The following MYOM3 variants were observed in gnomAD, a reference collection of about 807,000 sequenced individuals.
The protein encoded by MYOM3 is myomesin-3.
MYOM3 carries 155 observed loss-of-function variants against 191.7 expected under a neutral mutation model. The observed-to-expected ratio is 0.81, with a 90% confidence interval of 0.71 to 0.92. The LOEUF (loss-of-function observed/expected upper bound fraction) is 0.92. Ranked by LOEUF, MYOM3 falls within the 40% of genes least tolerant of loss-of-function variation. MYOM3 has a pLI of 0.00. For missense variants in MYOM3, 1,889 were observed against 1,890.6 expected (o/e 1.00, Z 0.02); for synonymous variants, 757 against 762.9 (o/e 0.99, Z 0.13).
At chr1:24,074,581 G>A (rs973137614) in intron 22 of MYOM3, among the ~76,000 whole-genome samples, 3 of 152,178 alleles carry the variant, frequency 2.0e-5, no homozygotes, top group Admixed American at 6.5e-5. Context: ...GAGCCGCTGG[G>A]GGAGGATGAG....
In MYOM3 at chr1:24,087,876, G is replaced by A. The variant is rs1289224366; in HGVS notation, c.1615-1049C>T. Among the ~76,000 whole-genome samples, 1 of 152,220 alleles carries A rather than the reference G, an allele frequency of 6.6e-6. No individual in the cohort carries two copies. Among genetic ancestry groups the A allele is most frequent in the East Asian group, 1.9e-4 (1 of 5,198 alleles). ...GCAGGTGCTCCATCTATGTTTCTGG[G>A]ACAAATGAATGAACAAATGAATGAA... On this transcript the variant is annotated intron_variant, in intron 14 of 36. Transcript: ENST00000374434. This position sits in a 1 kb window ranked among gnomAD's most constrained non-coding sequence, Gnocchi z 4.5.
At position 24,106,086 on chromosome 1, in the gene MYOM3, G is replaced by T. The variant is rs200217999; in HGVS notation, c.403-9C>A. ...TGGACCTTCTCCTCTGTCTGGAGGC[G>T]GGAAGAGGTGTATGACGCTGTGAGC... On this transcript the variant is annotated splice_polypyrimidine_tract_variant and intron_variant, in intron 4 of 36. Coordinates refer to ENST00000374434, the MANE Select transcript of MYOM3 (RefSeq NM_152372.4). 3.5e-5 allele frequency: 56 copies of T among 1,604,192 alleles called. No individual in the cohort carries two copies. In the African/African-American group the frequency reaches 7.0e-4, roughly 20 times the overall value.
chr1:24,074,033 G>A (rs1643566110), intron 23 of MYOM3, 127 bp downstream of exon 23: 1 of 668,846 alleles, frequency 1.5e-6, no homozygotes, highest in Non-Finnish European at 2.7e-6. Flanking sequence ...ATGGGTGGGT[G>A]AGGGCCTACT....
intron 7 of MYOM3, among the ~76,000 whole-genome samples, chr1:24,096,206 G>A (rs1372416401): frequency 6.6e-6 from 1 of 151,642 alleles, no homozygotes; most frequent in Non-Finnish European, 1.5e-5. Flanking sequence ...GAGGCTGCCC[G>A]AGATCACACA....
intron 3 of MYOM3, 61 bp from the exon 4 acceptor site, chr1:24,107,293 C>G (rs749524461): frequency 6.9e-7 from 1 of 1,442,492 alleles, no homozygotes; most frequent in African/African-American, 1.4e-5. Flanking sequence ...GGCATCCTGG[C>G]CAGTTCCATT....
At position 24,057,105 on chromosome 1, in the gene MYOM3, A is replaced by T. The variant is rs1643310848; in HGVS notation, c.*259T>A. 1 of 527,196 alleles carries T rather than the reference A, an allele frequency of 1.9e-6. No homozygotes were observed. The highest frequency in any genetic ancestry group is 3.1e-5 in the East Asian group (1 of 32,558). 32.7% of individuals were successfully genotyped at this position (527,196 alleles called of 1,614,324 possible). On this transcript the variant is annotated 3_prime_UTR_variant, in exon 37 of 37. Transcript: ENST00000374434. ...ACCTATCAGATGCCAGTACTGTTAG[A>T]TAGCCCCAGTGCATCCGGGTCTCCT...
At chr1:24,105,428 T>A (rs1557618304) in intron 5 of MYOM3, among the ~76,000 whole-genome samples, 1 of 152,206 alleles carries the variant, frequency 6.6e-6, no homozygotes, top group Non-Finnish European at 1.5e-5. Context: ...CCCCACCCAC[T>A]GTCTCCCTGC....
chr1:24,102,241 G>T (rs181890277), intron 5 of MYOM3, among the ~76,000 whole-genome samples: 1 of 152,264 alleles, frequency 6.6e-6, no homozygotes, highest in African/African-American at 2.4e-5. Flanking sequence ...GCCCCCTCCT[G>T]AAAGGAGCTC....
rs368190820 is a variant in MYOM3, at chr1:24,108,052, G to A, written c.183C>T (p.Ser61=). The A allele has an allele frequency of 1.5e-5, 25 of 1,613,654 alleles. No individual in the cohort carries two copies. In the African/African-American group the frequency reaches 2.7e-4, roughly 17 times the overall value. ...CTGCTGCCAGGGCGTAGTCCGCGGC[G>A]CTGAACTCATGCTCTTCTTCGCTGC... The part of the protein sequence containing the change: ...FRSSEEEHEF[S]AADYALAAAL... The change falls in exon 3 of 37, where the codon AGC becomes AGT. Residue 61 remains serine (S), a synonymous_variant. Coordinates refer to ENST00000374434, the MANE Select transcript of MYOM3 (RefSeq NM_152372.4).
rs371147135 is a variant in MYOM3 at position 24,090,867 on chromosome 1, G to A, written c.1362C>T (p.Gly454=). ...RFRVRAISRV[G]SSVPSKASEL... ...CTGAGGCCTTGGAGGGGACGCTGCT[G>A]CCTACCCTGCTGATGGCTCTCACCC... Residue 454 remains glycine, a synonymous_variant, in exon 12 of 37, where the codon GGC becomes GGT. Transcript: ENST00000374434. The A allele has an allele frequency of 3.1e-6, 5 of 1,614,148 alleles. No individual in the cohort carries two copies. The highest frequency in any genetic ancestry group is 4.2e-6 in the Non-Finnish European group (5 of 1,180,012).
chr1:24,089,412 C>G, intron 14 of MYOM3, 126 bp downstream of exon 14: 4 of 1,298,878 alleles, frequency 3.1e-6, no homozygotes, highest in Non-Finnish European at 4.1e-6. Context: ...AGGGCCATGC[C>G]TGGGCCCTTC....
At chr1:24,084,323 TG>T in intron 16 of MYOM3, 144 bp downstream of exon 16, 1 of 830,328 alleles carries the variant, frequency 1.2e-6, no homozygotes, top group South Asian at 1.7e-5. Flanking sequence ...ATAAGTTTCC[TG>T]AGGCCTCCCC....
At chr1:24,090,141 G>A (rs746223817) in intron 12 of MYOM3, 23 bp from the exon 13 acceptor site, 3 of 1,596,908 alleles carry the variant, frequency 1.9e-6, no homozygotes, top group South Asian at 2.2e-5. Context: ...GGGAGCATGG[G>A]AGGGTGGGGG....
chr1:24,108,061 A>G lies in MYOM3; in HGVS notation c.174T>C (p.His58=), dbSNP rs747289638. 1 of 1,613,612 alleles carries G rather than the reference A, an allele frequency of 6.2e-7. No individual in the cohort carries two copies. The highest frequency in any genetic ancestry group is 1.1e-5 in the South Asian group (1 of 91,042). Residue 58 remains histidine (H), a synonymous_variant, in exon 3 of 37, where the codon CAT becomes CAC. Coordinates refer to ENST00000374434, the MANE Select transcript of MYOM3 (RefSeq NM_152372.4). ...GGGCGTAGTCCGCGGCGCTGAACTC[A>G]TGCTCTTCTTCGCTGCTCCCAGAAG... The part of the protein sequence containing the change: ...RRTFRSSEEE[H]EFSAADYALA...
Position 24,075,326 on chromosome 1 carries a change from C to T in MYOM3, c.2851G>A (p.Val951Ile), listed in dbSNP as rs1335193641. The change falls in exon 22 of 37, where the codon GTT becomes ATT. Residue 951 changes from valine to isoleucine, a missense_variant. Coordinates refer to ENST00000374434, the MANE Select transcript of MYOM3 (RefSeq NM_152372.4). ...TCCTCTCGCCTCACTTACTTGTTAA[C>T]TTTATCCTCGATCTTGACCCTCTGG... ...DPQRVKIEDK[V>I]NKSKVILKEP... The T allele has an allele frequency of 6.2e-7, 1 of 1,612,120 alleles. No homozygotes were observed. The highest frequency in any genetic ancestry group is 2.2e-5 in the East Asian group (1 of 44,880).
chr1:24,068,536 C>G (rs565629256), intron 25 of MYOM3, among the ~76,000 whole-genome samples, 169 bp from the exon 26 acceptor site: 78 of 151,932 alleles, frequency 5.1e-4, no homozygotes, highest in African/African-American at 1.8e-3. Context: ...CCTAGTCCCC[C>G]GGGGTGCTTG....
chr1:24,102,736 C>T (rs111401966), intron 5 of MYOM3, among the ~76,000 whole-genome samples: 2 of 152,192 alleles, frequency 1.3e-5, no homozygotes, highest in African/African-American at 4.8e-5. Flanking sequence ...GTCCCAGCTA[C>T]TTGGGAGGCT....
intron 24 of MYOM3, 54 bp downstream of exon 24, chr1:24,071,915 C>T: frequency 1.3e-6 from 2 of 1,578,622 alleles, no homozygotes; most frequent in Non-Finnish European, 1.7e-6. Flanking sequence ...TCAGAACATG[C>T]CAATGGGCCC....
rs1643714406 is a variant in MYOM3 at position 24,084,651 on chromosome 1, A to C, written c.1799-12T>G. 2 of 1,604,400 alleles carry C rather than the reference A, an allele frequency of 1.2e-6. No individual in the cohort carries two copies. The highest frequency in any genetic ancestry group is 1.7e-6 in the Non-Finnish European group (2 of 1,175,450). ...AGGAGGGAGGGTAGCTAAAAAATAG[A>C]AACATGGGCTGAATGAGAAGGCTGA... On this transcript the variant is annotated splice_polypyrimidine_tract_variant and intron_variant, in intron 15 of 36. Coordinates refer to ENST00000374434, the MANE Select transcript of MYOM3 (RefSeq NM_152372.4).
Sources: allele counts gnomAD v4.1 joint callset (sites outside exome capture counted in the v4.1 genomes callset), GRCh38; gene constraint gnomAD v4.1.1; non-coding constraint Gnocchi (gnomAD v3.1); transcripts MANE v1.5; gene names NCBI Gene and HGNC (gene_info 2026-07-23, HGNC 2026-07-21).